The following AP2A2 variants were observed in gnomAD, a reference collection of about 807,000 sequenced individuals.
AP2A2 encodes the protein adaptor related protein complex 2 subunit alpha 2.
Under a neutral mutation model 104.2 loss-of-function variants are expected in AP2A2, and 32 were observed. The ratio of observed to expected loss-of-function variants is 0.31; its 90% CI spans 0.23 to 0.41. The LOEUF (loss-of-function observed/expected upper bound fraction) is 0.41, where lower values mean the gene tolerates loss of function less well. AP2A2 is among the 10% of genes least tolerant of loss of function. The probability of loss-of-function intolerance (pLI) is 1.00; values close to 1 mark genes in which losing one functional copy is unlikely to be tolerated. For missense variants in AP2A2, 912 were observed against 1,261.0 expected, an observed-to-expected ratio of 0.72 and a Z score of 4.19; for synonymous variants, 539 against 533.3, an observed-to-expected ratio of 1.01 and a Z score of -0.15.
At chr11:930,513 C>A (rs1312643701) in intron 1 of AP2A2, among the ~76,000 whole-genome samples, 1 of 151,728 alleles carries the variant, frequency 6.6e-6, no homozygotes, top group Non-Finnish European at 1.5e-5. Flanking sequence ...TTTATTTAGT[C>A]CCAGTTTTAG....
rs1287544832 is a variant in AP2A2, at chr11:1,009,794, T to C, written c.2719T>C (p.Leu907=). The C allele has an allele frequency of 1.3e-6, 2 of 1,548,176 alleles. No individual in the cohort carries two copies. The highest frequency in any genetic ancestry group is 2.7e-5 in the African/African-American group (2 of 73,032). ...KTTQIGCLLR[L]EPNLQAQMYR... ...CACCCAGATTGGATGCCTGCTGCGC[T>C]TGGAGCCGAACCTGCAAGCCCAGGT... The change falls in exon 21 of 22, where the codon TTG becomes CTG. Residue 907 remains leucine, a synonymous_variant. Transcript: ENST00000448903.
intron 1 of AP2A2, among the ~76,000 whole-genome samples, chr11:927,510 T>TTAAA (rs1275263747): frequency 7.6e-6 from 1 of 131,760 alleles, no homozygotes. Flanking sequence ...TGTACTCTGT[T>TTAAA]AAAAAAAAAA....
chr11:1,007,614 G>A (rs1856253984), intron 17 of AP2A2: 1 of 278,304 alleles, frequency 3.6e-6, no homozygotes, highest in South Asian at 3.5e-5. Flanking sequence ...CAGCAGGGCA[G>A]GCTCTTTTCT....
intron 2 of AP2A2, among the ~76,000 whole-genome samples, chr11:966,608 C>T (rs1854625306): frequency 6.6e-6 from 1 of 152,188 alleles, no homozygotes; most frequent in South Asian, 2.1e-4. Flanking sequence ...TGAGCAACTG[C>T]CTTGTGCCAC....
Position 992,023 on chromosome 11 carries a change from AC to A in AP2A2, c.1270-475del, listed in dbSNP as rs1855673121. ...TGAGCCAGAGAGGGGAAGAAGGGGAACCCCCAGGTGAGGCTCGCAGGAAAGA... is the reference window on the plus strand; with the variant it reads ...TGAGCCAGAGAGGGGAAGAAGGGGAACCCCAGGTGAGGCTCGCAGGAAAGA... On this transcript the variant is annotated intron_variant, in intron 10 of 21. Transcript: ENST00000448903. The surrounding 1 kb of genome is among the most constrained non-coding windows in gnomAD (Gnocchi z 6.4). Among the ~76,000 whole-genome samples the A allele has an allele frequency of 2.0e-5, 3 of 151,318 alleles. No homozygotes were observed. The East Asian group carries it at 5.9e-4, about 30-fold the overall frequency.
chr11:986,676 CG>C, intron 8 of AP2A2, 108 bp from the exon 9 acceptor site: 3 of 1,334,310 alleles, frequency 2.2e-6, no homozygotes, highest in Non-Finnish European at 3.1e-6. Flanking sequence ...CGGTGAGTGC[CG>C]TGTGACTTTG....
intron 7 of AP2A2, 144 bp from the exon 8 acceptor site, chr11:985,290 GT>G: frequency 8.6e-7 from 1 of 1,163,248 alleles, no homozygotes; most frequent in Non-Finnish European, 1.2e-6. Flanking sequence ...GCCTGTCTCA[GT>G]TTTGTAAATG....
chr11:956,770 C>G (rs1282647041), intron 1 of AP2A2: 1 of 152,220 alleles, frequency 6.6e-6, no homozygotes, highest in African/African-American at 2.4e-5. Flanking sequence ...CGTTTTCCCT[C>G]TTTTGTACAA....
intron 2 of AP2A2, 35 bp from the exon 3 acceptor site, chr11:970,134 C>T (rs757665852): frequency 6.2e-7 from 1 of 1,610,402 alleles, no homozygotes; most frequent in East Asian, 2.2e-5. Context: ...CCTCTGCCCG[C>T]CTGGAATAAA....
intron 1 of AP2A2, among the ~76,000 whole-genome samples, chr11:954,253 C>T (rs1234467964): frequency 6.6e-6 from 1 of 152,202 alleles, no homozygotes; most frequent in African/African-American, 2.4e-5. Context: ...ATTCCCACCT[C>T]ACTTGGATTC....
rs1000125892 is a variant in AP2A2, at chr11:1,010,536, T to C, written c.2743-12T>C. 6.3e-6 allele frequency: 10 copies of C among 1,580,304 alleles called. No individual in the cohort carries two copies. The highest frequency in any genetic ancestry group is 8.6e-6 in the Non-Finnish European group (10 of 1,163,002). ...CGGCGTGCCCGTTGACCTGCTGTGC[T>C]CTCTGTTTCAGATGTACCGGCTCAC... On this transcript the variant is annotated splice_polypyrimidine_tract_variant and intron_variant, in intron 21 of 21. Coordinates refer to ENST00000448903, the MANE Select transcript of AP2A2 (RefSeq NM_012305.4).
At chr11:956,854 A>G (rs990292634) in intron 1 of AP2A2, 8 of 152,246 alleles carry the variant, frequency 5.3e-5, no homozygotes, top group African/African-American at 1.9e-4. Flanking sequence ...CTGTCCCACT[A>G]CAACACAGAA....
At chr11:960,512 A>C (rs890910123) in intron 2 of AP2A2, among the ~76,000 whole-genome samples, 26 of 152,352 alleles carry the variant, frequency 1.7e-4, no homozygotes, top group African/African-American at 6.0e-4. Flanking sequence ...TGCTGGGATT[A>C]CAGGCATGAG....
At chr11:959,373 C>G (rs184091584) in intron 1 of AP2A2, 64 bp from the exon 2 acceptor site, 11 of 1,137,762 alleles carry the variant, frequency 9.7e-6, no homozygotes, top group African/African-American at 1.6e-5. Flanking sequence ...TCAGTCTTAT[C>G]AGGGAAATGG....
At chr11:983,869 C>T (rs1182843483) in intron 6 of AP2A2, among the ~76,000 whole-genome samples, 1 of 152,140 alleles carries the variant, frequency 6.6e-6, no homozygotes, top group Non-Finnish European at 1.5e-5. Flanking sequence ...CCTTTTCCTG[C>T]TTTGTGTTTG....
In AP2A2 at chr11:960,533, C is replaced by T. The variant is rs373841034; in HGVS notation, c.136+1028C>T. Among the ~76,000 whole-genome samples, 9 of 151,620 alleles carry T rather than the reference C, an allele frequency of 5.9e-5. No homozygotes were observed. The East Asian group carries it at 9.7e-4, about 16-fold the overall frequency. On this transcript the variant is annotated intron_variant, in intron 2 of 21. Coordinates refer to ENST00000448903, the MANE Select transcript of AP2A2 (RefSeq NM_012305.4). ...GATTACAGGCATGAGCCACTGTGCC[C>T]GGCCCAGCTGATTTTTGTACTTTTA...
chr11:1,007,150 G>A (rs1455335470), intron 17 of AP2A2: 1 of 154,982 alleles, frequency 6.5e-6, no homozygotes, highest in Non-Finnish European at 1.5e-5. Flanking sequence ...GGATAGGCCC[G>A]CCAAATAGAG....
intron 1 of AP2A2, among the ~76,000 whole-genome samples, chr11:958,459 A>G (rs779893523): frequency 1.3e-5 from 2 of 152,250 alleles, no homozygotes; most frequent in African/African-American, 4.8e-5. Flanking sequence ...AATGAGACAC[A>G]TGAAATTGAA....
At chr11:1,006,830 A>T in intron 17 of AP2A2, 2 of 559,794 alleles carry the variant, frequency 3.6e-6, no homozygotes, top group Non-Finnish European at 3.1e-6. Context: ...GCTTTTGATC[A>T]TGCACCTAAA....
Sources: gnomAD v4.1 joint callset for allele counts (sites outside exome capture counted in the v4.1 genomes callset) on GRCh38, gnomAD v4.1.1 for gene constraint, Gnocchi (gnomAD v3.1) non-coding constraint, MANE v1.5 for transcripts, NCBI Gene and HGNC (gene_info 2026-07-23, HGNC 2026-07-21) for gene names.